Variants in SPA17 observed in about 807,000 individuals in gnomAD.
SPA17 encodes sperm surface protein Sp17.
A neutral mutation model predicts 13.8 loss-of-function variants in SPA17; 7 were observed. The ratio of observed to expected loss-of-function variants is 0.51; its 90% confidence interval spans 0.29 to 0.95. The LOEUF is 0.95. Among genes scored for constraint, SPA17 ranks in the 40% least tolerant of loss-of-function variants. SPA17 has a pLI of 0.08. For missense variants in SPA17, 170 were observed against 179.3 expected (o/e 0.95, Z 0.30); for synonymous variants, 61 against 59.0 (o/e 1.03, Z -0.16).
chr11:124,680,852 G>A (rs768042549), intron 2 of SPA17, among the ~76,000 whole-genome samples: 3 of 151,832 alleles, frequency 2.0e-5, no homozygotes, highest in African/African-American at 7.3e-5. Context: ...TATGCTCATG[G>A]GAGTTTGTTA....
intron 2 of SPA17, chr11:124,676,162 A>T (rs559221097): frequency 8.5e-5 from 13 of 152,248 alleles, no homozygotes; most frequent in East Asian, 3.9e-4. Flanking sequence ...AACCTATCCT[A>T]AGCCAGGCAT....
At chr11:124,689,106 C>T (rs1475205677) in intron 3 of SPA17, among the ~76,000 whole-genome samples, 1 of 152,064 alleles carries the variant, frequency 6.6e-6, no homozygotes, top group Non-Finnish European at 1.5e-5. Flanking sequence ...AATTGGAGAG[C>T]CGTATGTAGA....
chr11:124,682,026 G>A (rs1264653968), intron 3 of SPA17, among the ~76,000 whole-genome samples: 6 of 152,146 alleles, frequency 3.9e-5, no homozygotes, highest in Non-Finnish European at 5.9e-5. Context: ...CTTTTTCAGA[G>A]TCTGAGCCTT....
chr11:124,682,203 C>G (rs1239117782), intron 3 of SPA17, among the ~76,000 whole-genome samples: 1 of 152,060 alleles, frequency 6.6e-6, no homozygotes, highest in Non-Finnish European at 1.5e-5. Flanking sequence ...AAGAGCTTCT[C>G]AAAACATTCT....
chr11:124,693,937 T>C (rs917650811), intron 4 of SPA17, among the ~76,000 whole-genome samples: 3 of 152,202 alleles, frequency 2.0e-5, no homozygotes, highest in African/African-American at 7.2e-5. Flanking sequence ...TTTTGAAACA[T>C]AACATTTACA....
Position 124,675,323 on chromosome 11 carries a change from T to A in SPA17, c.59T>A (p.Leu20His). Residue 20 changes from leucine (L) to histidine (H), a missense_variant, in exon 2 of 5, where the codon CTT becomes CAT. Transcript: ENST00000227135. ...YRIPQGFGNLLEGLTREILRE... is the reference protein window; with the variant it reads ...YRIPQGFGNLHEGLTREILRE... ...ATTCCACAAGGATTTGGGAATCTTC[T>A]TGAAGGGCTGACACGCGAGATTCTG... The A allele has an allele frequency of 6.2e-7, 1 of 1,614,216 alleles. No homozygotes were observed. Among genetic ancestry groups the A allele is most frequent in the Non-Finnish European group, 8.5e-7 (1 of 1,180,042 alleles).
At chr11:124,691,194 T>G (rs905993509) in intron 3 of SPA17, among the ~76,000 whole-genome samples, 2 of 152,214 alleles carry the variant, frequency 1.3e-5, no homozygotes, top group African/African-American at 4.8e-5. Flanking sequence ...TGGTTTCTCC[T>G]TTTATATTTA....
At chr11:124,684,170 C>T (rs556463499) in intron 3 of SPA17, among the ~76,000 whole-genome samples, 143 of 152,292 alleles carry the variant, frequency 9.4e-4, no homozygotes, top group African/African-American at 3.3e-3. Flanking sequence ...CCTCCTCAGC[C>T]ATGCAGAACT....
chr11:124,689,735 G>C (rs1943608261), intron 3 of SPA17, among the ~76,000 whole-genome samples: 1 of 151,318 alleles, frequency 6.6e-6, no homozygotes. Context: ...TCCAGCCTGG[G>C]CAACAGAGTG....
chr11:124,686,100 G>A (rs12295575), intron 3 of SPA17, among the ~76,000 whole-genome samples: 2,876 of 148,350 alleles, frequency 0.019, 72 homozygotes, highest in African/African-American at 0.061. Flanking sequence ...TGCTTTGGCT[G>A]TGTCCTCACC....
chr11:124,688,063 G>C (rs925817444), intron 3 of SPA17, among the ~76,000 whole-genome samples: 1 of 152,160 alleles, frequency 6.6e-6, no homozygotes, highest in Admixed American at 6.5e-5. Context: ...ATCCAGGCTG[G>C]AGTGCCATGG....
intron 2 of SPA17, among the ~76,000 whole-genome samples, chr11:124,680,537 G>A (rs112137278): frequency 2.0e-5 from 3 of 152,278 alleles, no homozygotes; most frequent in South Asian, 2.1e-4. Context: ...GTGTGTGCCC[G>A]TTTTCGGGGT....
Position 124,695,979 on chromosome 11 carries a change from TC to T in SPA17, c.*1538del, listed in dbSNP as rs1482794973. The T allele has an allele frequency of 6.6e-6, 1 of 152,184 alleles. No homozygotes were observed. Among genetic ancestry groups the T allele is most frequent in the African/African-American group, 2.4e-5 (1 of 41,436 alleles). 9.4% of individuals were successfully genotyped at this position (152,184 alleles called of 1,614,324 possible). ...CTTTATCAGGCTCTGCAACAGAGGTTCCCCCAAGTGATCGCCACTCAAACAC... is the reference window on the plus strand; with the variant it reads ...CTTTATCAGGCTCTGCAACAGAGGTTCCCCAAGTGATCGCCACTCAAACAC... On this transcript the variant is annotated 3_prime_UTR_variant, in exon 5 of 5. Coordinates refer to ENST00000227135, the MANE Select transcript of SPA17 (RefSeq NM_017425.4).
At chr11:124,691,247 T>G (rs1266181412) in intron 3 of SPA17, among the ~76,000 whole-genome samples, 1 of 152,226 alleles carries the variant, frequency 6.6e-6, no homozygotes, top group Non-Finnish European at 1.5e-5. Flanking sequence ...CTTCTCTGAC[T>G]AGTTTTAATC....
chr11:124,686,276 C>T (rs558511714), intron 3 of SPA17, among the ~76,000 whole-genome samples: 173 of 152,174 alleles, frequency 1.1e-3, no homozygotes, highest in Middle Eastern at 6.8e-3. Flanking sequence ...AGGTGCCCTC[C>T]GCCTTGATTG....
At chr11:124,682,157 G>C (rs752754316) in intron 3 of SPA17, among the ~76,000 whole-genome samples, 4 of 152,078 alleles carry the variant, frequency 2.6e-5, no homozygotes, top group South Asian at 2.1e-4. Context: ...ATCTAGAATG[G>C]TTCTGGTTAG....
At position 124,695,611 on chromosome 11, in the gene SPA17, T is replaced by C. The variant is rs1204578939; in HGVS notation, c.*1165T>C. On this transcript the variant is annotated 3_prime_UTR_variant, in exon 5 of 5. Coordinates refer to ENST00000227135, the MANE Select transcript of SPA17 (RefSeq NM_017425.4). ...AAAGGTAGAAAGTGGAGTCTTACCATTTAGTTAATGCTGTTGCCTTCTACC... is the reference window on the plus strand; with the variant it reads ...AAAGGTAGAAAGTGGAGTCTTACCACTTAGTTAATGCTGTTGCCTTCTACC... 1.3e-5 allele frequency: 2 copies of C among 152,244 alleles called. No homozygotes were observed. Among genetic ancestry groups the C allele is most frequent in the Non-Finnish European group, 2.9e-5 (2 of 68,046 alleles). The allele number at this position is 152,244 out of a possible 1,614,324, so 9.4% of individuals were successfully genotyped here. A position where few individuals can be genotyped will look rare whatever the true frequency, so the allele number is the denominator to read the frequency against.
intron 3 of SPA17, among the ~76,000 whole-genome samples, chr11:124,688,977 C>T (rs1442593202): frequency 3.9e-5 from 6 of 152,062 alleles, no homozygotes; most frequent in East Asian, 3.8e-4. Context: ...CATAAATCAA[C>T]GTAATAGAGG....
Position 124,675,269 on chromosome 11 carries a change from C to T in SPA17, c.5C>T (p.Ser2Leu), listed in dbSNP as rs866901613. The T allele has an allele frequency of 1.2e-6, 2 of 1,611,658 alleles. No individual in the cohort carries two copies. Among genetic ancestry groups the T allele is most frequent in the Non-Finnish European group, 1.7e-6 (2 of 1,179,402 alleles). The change falls in exon 2 of 5, where the codon TCG becomes TTG. Residue 2 changes from serine to leucine, a missense_variant. Physicochemically the swap from Ser to Leu is moderately radical, Grantham distance 145 (BLOSUM62 -2). Transcript: ENST00000227135. Reference sequence around the variant, plus strand: ...TAGGCAGTTCTTACCAAGAAGATGTCGATTCCATTCTCCAACACCCACTAC... The same window carrying T: ...TAGGCAGTTCTTACCAAGAAGATGTTGATTCCATTCTCCAACACCCACTAC... The part of the protein sequence containing the change: M[S>L]IPFSNTHYRI...
Sources: gnomAD v4.1 joint callset for allele counts (sites outside exome capture counted in the v4.1 genomes callset) on GRCh38, gnomAD v4.1.1 for gene constraint, MANE v1.5 for transcripts, NCBI Gene and HGNC (gene_info 2026-07-23, HGNC 2026-07-21) for gene names.